The following MCU variants were observed in gnomAD, a reference collection of about 807,000 sequenced individuals.
MCU encodes the protein calcium uniporter protein, mitochondrial.
In MCU, 12 loss-of-function variants were observed where a neutral mutation model predicts 45.2. The ratio of observed to expected loss-of-function variants is 0.27; its 90% CI spans 0.17 to 0.43. The LOEUF (loss-of-function observed/expected upper bound fraction) is 0.43, where lower values mean the gene tolerates loss of function less well. Ranked by LOEUF, MCU falls within the 20% of genes least tolerant of loss-of-function variation. The pLI is 1.00. For missense variants in MCU, 324 were observed against 436.7 expected (o/e 0.74, Z 2.30); for synonymous variants, 160 against 165.1 (o/e 0.97, Z 0.24).
At chr10:72,714,522 A>G (rs969534194) in intron 1 of MCU, among the ~76,000 whole-genome samples, 13 of 151,558 alleles carry the variant, frequency 8.6e-5, no homozygotes, top group African/African-American at 3.2e-4. Flanking sequence ...TGTTGAGCTT[A>G]TCATGTGATT....
At position 72,720,022 on chromosome 10, in the gene MCU, C is replaced by G. The variant is rs546570796; in HGVS notation, c.150+27721C>G. On this transcript the variant is annotated intron_variant, in intron 1 of 7. Transcript: ENST00000373053. ...GAGTAACTGGGACTGATTACAGGTG[C>G]AAAATACTACGCCCATCTAATTAAA... 2.6e-5 allele frequency among the ~76,000 whole-genome samples: 4 copies of G among 152,152 alleles called. No homozygotes were observed. In the East Asian group the frequency reaches 7.7e-4, roughly 29 times the overall value.
intron 2 of MCU, among the ~76,000 whole-genome samples, chr10:72,838,151 G>A (rs1234408640): frequency 3.9e-5 from 6 of 151,954 alleles, no homozygotes; most frequent in East Asian, 1.9e-4. Context: ...GTGAGCCACC[G>A]CGCCCGGCTG....
chr10:72,724,252 A>G (rs1175837237), intron 1 of MCU, among the ~76,000 whole-genome samples: 1 of 152,208 alleles, frequency 6.6e-6, no homozygotes, highest in African/African-American at 2.4e-5. Flanking sequence ...CTCTGCTTAC[A>G]TCTTTGCCAA....
At chr10:72,863,663 C>T (rs1018090615) in intron 4 of MCU, among the ~76,000 whole-genome samples, 13 of 152,190 alleles carry the variant, frequency 8.5e-5, no homozygotes, top group African/African-American at 3.1e-4. Flanking sequence ...GTCCCCCAGG[C>T]TGGAGTGCAG....
rs10715401 is a variant in MCU, at chr10:72,878,111, C to CTTTTT, written c.862-6134_862-6130dup. Among the ~76,000 whole-genome samples the CTTTTT allele has an allele frequency of 1.6e-3, 121 of 77,952 alleles. 2 individuals are homozygous for CTTTTT. Among genetic ancestry groups the CTTTTT allele is most frequent in the African/African-American group, 4.9e-3 (83 of 16,962 alleles). The allele number at this position is 77,952 out of a possible 152,430, so 51.1% of individuals were successfully genotyped here. A position where few individuals can be genotyped will look rare whatever the true frequency, so the allele number is the denominator to read the frequency against. On this transcript the variant is annotated intron_variant, in intron 6 of 7. Coordinates refer to ENST00000373053, the MANE Select transcript of MCU (RefSeq NM_138357.3). The stretch of plus-strand genomic sequence containing the variant: ...TAAATTATTTCTACAAATAATTTTG[C>CTTTTT]TTTTTTTTTTTTTTTTTTTTTTTTT...
At chr10:72,838,052 G>A (rs1434218246) in intron 2 of MCU, among the ~76,000 whole-genome samples, 6 of 151,354 alleles carry the variant, frequency 4.0e-5, no homozygotes, top group Admixed American at 6.6e-5. Context: ...TAGTAGAGAC[G>A]GGGTTTCACT....
chr10:72,838,675 T>A (rs555744848), intron 2 of MCU, among the ~76,000 whole-genome samples: 35 of 152,286 alleles, frequency 2.3e-4, no homozygotes, highest in Non-Finnish European at 4.7e-4. Flanking sequence ...GCTAGAGAGT[T>A]GTTATGTTTA....
chr10:72,793,585 A>G (rs560614525), intron 1 of MCU, among the ~76,000 whole-genome samples: 2 of 152,160 alleles, frequency 1.3e-5, no homozygotes, highest in East Asian at 1.9e-4. Context: ...GGGCCCAGCA[A>G]GGTGGTTCTT....
Position 72,882,520 on chromosome 10 carries a change from T to C in MCU, c.862-1746T>C, listed in dbSNP as rs553411837. ...GGCCCCCTTGGGTGTGGCCGTCTTC[T>C]ATGGTCGAAACTGTAGGGATGAAAT... On this transcript the variant is annotated intron_variant, in intron 6 of 7. Transcript: ENST00000373053. Among the ~76,000 whole-genome samples, 5 of 152,312 alleles carry C rather than the reference T, an allele frequency of 3.3e-5. 1 individual carries two copies. In the South Asian group the frequency reaches 1.0e-3, roughly 32 times the overall value.
intron 6 of MCU, among the ~76,000 whole-genome samples, chr10:72,871,816 ATGT>A (rs570581186): frequency 1.6e-4 from 25 of 152,352 alleles, no homozygotes; most frequent in African/African-American, 6.0e-4. Flanking sequence ...TAAGAAAGCC[ATGT>A]AGACCATTAA....
intron 1 of MCU, among the ~76,000 whole-genome samples, chr10:72,710,184 G>A (rs927393212): frequency 2.6e-5 from 4 of 152,070 alleles, no homozygotes; most frequent in African/African-American, 7.2e-5. Context: ...CACCATGTTG[G>A]CCAGGATGGT....
chr10:72,776,418 A>G (rs982024217), intron 1 of MCU, among the ~76,000 whole-genome samples: 2 of 152,222 alleles, frequency 1.3e-5, no homozygotes, highest in Non-Finnish European at 2.9e-5. Flanking sequence ...GATTCAACAC[A>G]TGCAAATCAA....
At chr10:72,865,234 C>T (rs1019092645) in intron 4 of MCU, among the ~76,000 whole-genome samples, 1 of 152,082 alleles carries the variant, frequency 6.6e-6, no homozygotes, top group African/African-American at 2.4e-5. Flanking sequence ...TAAAACAACC[C>T]GTTGCTTTAT....
intron 1 of MCU, among the ~76,000 whole-genome samples, chr10:72,726,749 G>A (rs1293310997): frequency 6.6e-6 from 1 of 152,054 alleles, no homozygotes; most frequent in Non-Finnish European, 1.5e-5. Context: ...AATAATTACT[G>A]CCAGATTGCT....
intron 1 of MCU, among the ~76,000 whole-genome samples, chr10:72,715,653 T>G (rs1285908504): frequency 6.6e-6 from 1 of 152,228 alleles, no homozygotes; most frequent in Non-Finnish European, 1.5e-5. Context: ...GGCATTTATC[T>G]TAATTAATTT....
chr10:72,835,898 C>T (rs1226203356), intron 2 of MCU, among the ~76,000 whole-genome samples: 6 of 152,150 alleles, frequency 3.9e-5, no homozygotes, highest in East Asian at 1.9e-4. Flanking sequence ...GTACTTTCTA[C>T]GTGGCCAAGA....
intron 2 of MCU, among the ~76,000 whole-genome samples, chr10:72,841,268 C>T (rs1281167220): frequency 1.3e-5 from 2 of 152,018 alleles, no homozygotes; most frequent in African/African-American, 2.4e-5. Flanking sequence ...CTCTGACAGA[C>T]TGTTAAATTT....
intron 1 of MCU, chr10:72,692,891 G>A: frequency 2.0e-6 from 3 of 1,481,536 alleles, no homozygotes; most frequent in Non-Finnish European, 2.7e-6. Flanking sequence ...CTCTGTGTGT[G>A]TGCATGGGGA....
chr10:72,815,955 G>T (rs951587216), intron 1 of MCU, among the ~76,000 whole-genome samples: 3 of 152,118 alleles, frequency 2.0e-5, no homozygotes, highest in African/African-American at 4.8e-5. Flanking sequence ...TAGCAAGAAG[G>T]ATCACTTGAG....
Sources: allele counts gnomAD v4.1 joint callset (sites outside exome capture counted in the v4.1 genomes callset), GRCh38; gene constraint gnomAD v4.1.1; transcripts MANE v1.5; gene names NCBI Gene and HGNC (gene_info 2026-07-23, HGNC 2026-07-21).